The following MYO6 variants were observed in gnomAD, a reference collection of about 807,000 sequenced individuals.
MYO6 encodes the protein unconventional myosin-VI.
Under a neutral mutation model 178.7 loss-of-function variants are expected in MYO6, and 74 were observed. The ratio of observed to expected loss-of-function variants is 0.41; its 90% CI spans 0.34 to 0.50. The LOEUF (loss-of-function observed/expected upper bound fraction) is 0.50. Ranked by LOEUF, MYO6 falls within the 20% of genes least tolerant of loss-of-function variation. MYO6 has a pLI of 0.09. For missense variants in MYO6, 1,330 were observed against 1,547.4 expected (o/e 0.86, Z 2.36); for synonymous variants, 477 against 504.6 (o/e 0.95, Z 0.73).
At chr6:75,837,533 A>G (rs896675301) in intron 7 of MYO6, among the ~76,000 whole-genome samples, 7 of 152,300 alleles carry the variant, frequency 4.6e-5, no homozygotes, top group African/African-American at 1.7e-4. Context: ...TGCTCTTGAC[A>G]TCTTAAAGAA....
At chr6:75,785,460 G>C (rs1191620734) in intron 1 of MYO6, among the ~76,000 whole-genome samples, 3 of 145,172 alleles carry the variant, frequency 2.1e-5, no homozygotes, top group African/African-American at 8.0e-5. Context: ...TTTGTTTTTT[G>C]GTCTTTTCTT....
chr6:75,784,321 T>A (rs1408092413), intron 1 of MYO6, among the ~76,000 whole-genome samples: 1 of 151,682 alleles, frequency 6.6e-6, no homozygotes, highest in Admixed American at 6.6e-5. Flanking sequence ...GGAGACTTTA[T>A]TTGAGGGACT....
At chr6:75,835,794 T>G (rs1773585400) in intron 6 of MYO6, 107 bp from the exon 7 acceptor site, 3 of 707,682 alleles carry the variant, frequency 4.2e-6, no homozygotes, top group African/African-American at 1.8e-5. Context: ...AATTACACAT[T>G]TGTTATAATG....
chr6:75,901,144 G>A (rs1229376287), intron 30 of MYO6, among the ~76,000 whole-genome samples: 1 of 152,120 alleles, frequency 6.6e-6, no homozygotes, highest in Non-Finnish European at 1.5e-5. Context: ...TAGCCTTGTA[G>A]TATAGTTTGA....
intron 1 of MYO6, among the ~76,000 whole-genome samples, chr6:75,794,948 CAGTAGTTCT>C (rs962723907): frequency 1.3e-5 from 2 of 152,150 alleles, no homozygotes; most frequent in African/African-American, 4.8e-5. Flanking sequence ...GAAGAATTCT[CAGTAGTTCT>C]AATGGATTCT....
At chr6:75,798,443 C>G (rs887803674) in intron 1 of MYO6, among the ~76,000 whole-genome samples, 9 of 152,044 alleles carry the variant, frequency 5.9e-5, no homozygotes, top group African/African-American at 2.2e-4. Context: ...GCTTTTATTC[C>G]TGGGATGTAA....
intron 14 of MYO6, 104 bp downstream of exon 14, chr6:75,859,097 A>G (rs906056062): frequency 1.0e-5 from 8 of 801,056 alleles, no homozygotes; most frequent in African/African-American, 6.9e-5. Context: ...TGGATGGTGT[A>G]TAACGGAAGG....
intron 1 of MYO6, among the ~76,000 whole-genome samples, chr6:75,770,233 T>C (rs1765736437): frequency 6.6e-6 from 1 of 152,248 alleles, no homozygotes; most frequent in South Asian, 2.1e-4. Context: ...GCCCTGCTTA[T>C]ACAGCCTGCA....
intron 1 of MYO6, among the ~76,000 whole-genome samples, chr6:75,812,574 C>T (rs1056674490): frequency 1.3e-5 from 2 of 152,100 alleles, no homozygotes; most frequent in African/African-American, 4.8e-5. Flanking sequence ...TTTTTGTACC[C>T]ATTAACCATC....
intron 1 of MYO6, among the ~76,000 whole-genome samples, chr6:75,790,168 G>A (rs1006316942): frequency 3.3e-5 from 5 of 152,140 alleles, no homozygotes; most frequent in Non-Finnish European, 5.9e-5. Flanking sequence ...CTTAAGGATA[G>A]ATGCCTGGAA....
At chr6:75,887,639 C>CAAAA (rs71002772) in intron 25 of MYO6, among the ~76,000 whole-genome samples, 97 of 107,920 alleles carry the variant, frequency 9.0e-4, no homozygotes, top group African/African-American at 2.7e-3. Flanking sequence ...GACTCCATCT[C>CAAAA]AAAAAAAAAA....
At position 75,838,971 on chromosome 6, in the gene MYO6, C is replaced by T. The variant is rs550546791; in HGVS notation, c.554-1614C>T. Among the ~76,000 whole-genome samples the T allele has an allele frequency of 6.0e-5, 9 of 150,996 alleles. No individual in the cohort carries two copies. The South Asian group carries it at 1.9e-3, about 32-fold the overall frequency. ...CACCGCGCCTGGCTGACCATGTTGG[C>T]TTCAGTTTTTTTATCCCATCTGAAA... On this transcript the variant is annotated intron_variant, in intron 7 of 34. Transcript: ENST00000369977.
intron 1 of MYO6, among the ~76,000 whole-genome samples, chr6:75,816,348 A>G (rs1310214045): frequency 1.3e-5 from 2 of 152,216 alleles, no homozygotes; most frequent in Non-Finnish European, 2.9e-5. Context: ...GACCAAAAGG[A>G]GTCATGAGAC....
chr6:75,751,778 C>G (rs970750837), intron 1 of MYO6, among the ~76,000 whole-genome samples: 1 of 151,906 alleles, frequency 6.6e-6, no homozygotes, highest in African/African-American at 2.4e-5. Context: ...GTTTTAAAGA[C>G]TTTGACCATG....
chr6:75,871,272 A>G (rs902241650), intron 19 of MYO6, among the ~76,000 whole-genome samples: 36 of 152,166 alleles, frequency 2.4e-4, no homozygotes, highest in African/African-American at 8.4e-4. Flanking sequence ...TTTTGAGACA[A>G]GGTCTCATTC....
chr6:75,758,655 T>C (rs755782540), intron 1 of MYO6, among the ~76,000 whole-genome samples: 2 of 152,112 alleles, frequency 1.3e-5, no homozygotes, highest in Non-Finnish European at 2.9e-5. Flanking sequence ...AGATGGGGTT[T>C]CACTGTGTTA....
At chr6:75,892,409 A>G (rs1227904248) in intron 27 of MYO6, 121 bp from the exon 28 acceptor site, 18 of 1,283,000 alleles carry the variant, frequency 1.4e-5, no homozygotes, top group Middle Eastern at 2.5e-4. Flanking sequence ...TGCTTAAGCA[A>G]TTCTTTAGTA....
intron 1 of MYO6, among the ~76,000 whole-genome samples, chr6:75,780,027 A>G (rs1414886172): frequency 6.6e-6 from 1 of 152,180 alleles, no homozygotes; most frequent in South Asian, 2.1e-4. Flanking sequence ...CTGGATTCTG[A>G]CTGTCTTCAT....
chr6:75,763,026 A>ATT (rs34139526), intron 1 of MYO6, among the ~76,000 whole-genome samples: 12 of 124,220 alleles, frequency 9.7e-5, no homozygotes, highest in African/African-American at 9.0e-5. Context: ...CTGACCTGTA[A>ATT]TTTTTTTTTT....
Sources: gnomAD v4.1 joint callset for allele counts (sites outside exome capture counted in the v4.1 genomes callset) on GRCh38, gnomAD v4.1.1 for gene constraint, MANE v1.5 for transcripts, NCBI Gene and HGNC (gene_info 2026-07-23, HGNC 2026-07-21) for gene names.